STPG2: variants seen among roughly 807,000 people sequenced by gnomAD.
The protein encoded by STPG2 is sperm-tail PG-rich repeat-containing protein 2.
In STPG2, 56 loss-of-function variants were observed where a neutral mutation model predicts 54.2. That is an observed-to-expected ratio of 1.03 (90% CI 0.83 to 1.29). The LOEUF is 1.29. STPG2 is among the 50% of genes most tolerant of loss of function. The pLI is 0.00. For synonymous variants in STPG2, 200 were observed against 181.8 expected (o/e 1.10, Z -0.81); for missense variants, 596 against 544.9 (o/e 1.09, Z -0.93).
intron 10 of STPG2, among the ~76,000 whole-genome samples, chr4:97,691,978 G>A (rs1723380284): frequency 1.3e-5 from 2 of 152,166 alleles, no homozygotes; most frequent in Admixed American, 1.3e-4. Context: ...CTGGGGAAAG[G>A]AAAGAGCACT....
intron 3 of STPG2, among the ~76,000 whole-genome samples, chr4:98,115,073 A>G (rs981459255): frequency 6.6e-6 from 1 of 151,984 alleles, no homozygotes; most frequent in Non-Finnish European, 1.5e-5. Flanking sequence ...GAACTGCATT[A>G]TTTTAAGTAA....
chr4:97,722,682 T>C (rs2149017235), intron 9 of STPG2, among the ~76,000 whole-genome samples: 1 of 152,034 alleles, frequency 6.6e-6, no homozygotes, highest in East Asian at 1.9e-4. Flanking sequence ...AAATAAGCAA[T>C]AATTAATAGA....
At chr4:98,087,092 C>T (rs28522896) in intron 5 of STPG2, among the ~76,000 whole-genome samples, 60,121 of 151,936 alleles carry the variant, frequency 0.4, 12,134 homozygotes, top group Middle Eastern at 0.46. Context: ...TATACAGACA[C>T]ATAAGAGCGT....
At chr4:97,967,469 G>A (rs1734148553) in intron 7 of STPG2, among the ~76,000 whole-genome samples, 2 of 152,094 alleles carry the variant, frequency 1.3e-5, no homozygotes, top group African/African-American at 2.4e-5. Context: ...GGTTAACAAG[G>A]ATATCCAGGA....
At chr4:97,587,874 G>A (rs1733039556) in intron 10 of STPG2, among the ~76,000 whole-genome samples, 1 of 151,950 alleles carries the variant, frequency 6.6e-6, no homozygotes, top group South Asian at 2.1e-4. Context: ...TGATAGCTGT[G>A]GGCATCAGTG....
intron 9 of STPG2, among the ~76,000 whole-genome samples, chr4:97,778,321 G>A (rs561356545): frequency 8.5e-5 from 13 of 152,270 alleles, no homozygotes; most frequent in African/African-American, 2.6e-4. Context: ...CCATGCCCAC[G>A]GAGCCTCGCT....
At chr4:97,886,401 C>T (rs1464429961) in intron 8 of STPG2, among the ~76,000 whole-genome samples, 2 of 152,090 alleles carry the variant, frequency 1.3e-5, no homozygotes. Context: ...ATTTTAAATG[C>T]AGCCAATATT....
At chr4:98,013,935 A>AT (rs1238963755) in intron 5 of STPG2, among the ~76,000 whole-genome samples, 2 of 151,588 alleles carry the variant, frequency 1.3e-5, no homozygotes, top group South Asian at 2.1e-4. Context: ...GGATTCACTG[A>AT]TTTTTTTGAA....
intron 9 of STPG2, among the ~76,000 whole-genome samples, chr4:97,794,292 T>A (rs1229262044): frequency 6.6e-6 from 1 of 152,106 alleles, no homozygotes; most frequent in Non-Finnish European, 1.5e-5. Context: ...TAGTGAAGAA[T>A]AAACTACCCA....
chr4:97,573,886 C>T (rs1732658956), intron 10 of STPG2, among the ~76,000 whole-genome samples: 1 of 152,026 alleles, frequency 6.6e-6, no homozygotes, highest in Admixed American at 6.6e-5. Flanking sequence ...CTGATAGAGC[C>T]AGTGCCCTTA....
At chr4:98,133,812 T>C (rs1560694585) in intron 2 of STPG2, among the ~76,000 whole-genome samples, 1 of 152,140 alleles carries the variant, frequency 6.6e-6, no homozygotes, top group East Asian at 1.9e-4. Flanking sequence ...TACATATAAA[T>C]GCAAAATTTA....
intron 5 of STPG2, among the ~76,000 whole-genome samples, chr4:98,059,248 A>T (rs1219810400): frequency 6.6e-6 from 1 of 152,104 alleles, no homozygotes; most frequent in Non-Finnish European, 1.5e-5. Flanking sequence ...AACCTAGAAG[A>T]GACGGATAAA....
chr4:97,962,164 G>A (rs933183362), intron 7 of STPG2, among the ~76,000 whole-genome samples: 1 of 152,164 alleles, frequency 6.6e-6, no homozygotes, highest in African/African-American at 2.4e-5. Context: ...CTACGAGGAA[G>A]CAAAGGCATA....
intron 9 of STPG2, among the ~76,000 whole-genome samples, chr4:97,781,899 C>G (rs1179942893): frequency 6.6e-6 from 1 of 152,258 alleles, no homozygotes; most frequent in East Asian, 1.9e-4. Flanking sequence ...ATGCTAAAAA[C>G]TCTCAAGAAA....
At chr4:97,542,360 A>G (rs901528046) in intron 4 of STPG2, among the ~76,000 whole-genome samples, 2 of 152,262 alleles carry the variant, frequency 1.3e-5, no homozygotes, top group African/African-American at 2.4e-5. Context: ...CAACAGACAC[A>G]TGAAAAAATG....
chr4:97,855,744 C>T (rs542248236), intron 8 of STPG2, among the ~76,000 whole-genome samples: 1 of 152,088 alleles, frequency 6.6e-6, no homozygotes, highest in Non-Finnish European at 1.5e-5. Context: ...TTTGTCCATG[C>T]CTGTGTCCTA....
At chr4:97,873,557 A>C (rs1168409096) in intron 8 of STPG2, among the ~76,000 whole-genome samples, 2 of 151,272 alleles carry the variant, frequency 1.3e-5, no homozygotes, top group African/African-American at 4.8e-5. Flanking sequence ...CTCTTTTAAT[A>C]TGTAATGTTG....
intron 8 of STPG2, among the ~76,000 whole-genome samples, chr4:97,846,623 CAAA>C (rs540016952): frequency 2.9e-4 from 20 of 68,346 alleles, no homozygotes; most frequent in Admixed American, 8.6e-4. Flanking sequence ...GACTCCACCT[CAAA>C]AAAAAAAAAA....
intron 4 of STPG2, among the ~76,000 whole-genome samples, chr4:97,508,961 A>G (rs1429256205): frequency 6.6e-6 from 1 of 152,138 alleles, no homozygotes; most frequent in South Asian, 2.1e-4. Context: ...TAAAATCTGC[A>G]TAATGTTCTT....
Sources: allele counts gnomAD v4.1 joint callset (sites outside exome capture counted in the v4.1 genomes callset), GRCh38; gene constraint gnomAD v4.1.1; transcripts MANE v1.5; gene names NCBI Gene and HGNC (gene_info 2026-07-23, HGNC 2026-07-21).